Variants in MACROD2 observed in about 807,000 individuals in gnomAD.
MACROD2 encodes the protein mono-ADP ribosylhydrolase 2, also known as ADP-ribose glycohydrolase MACROD2.
Under a neutral mutation model 70.4 loss-of-function variants are expected in MACROD2, and 36 were observed. The observed-to-expected ratio is 0.51, with a 90% CI of 0.39 to 0.68. The LOEUF (loss-of-function observed/expected upper bound fraction) is 0.68. MACROD2 is among the 30% of genes least tolerant of loss of function. The pLI, the probability that MACROD2 is intolerant of heterozygous loss-of-function variation, is 0.00. For synonymous variants in MACROD2, 172 were observed against 178.8 expected (o/e 0.96, Z 0.30); for missense variants, 496 against 538.4 (o/e 0.92, Z 0.78).
At chr20:15,267,484 C>T (rs2077305984) in intron 6 of MACROD2, among the ~76,000 whole-genome samples, 1 of 151,876 alleles carries the variant, frequency 6.6e-6, no homozygotes, top group Non-Finnish European at 1.5e-5. Flanking sequence ...CTTTGTCTCC[C>T]CAGAGTCTGG....
intron 8 of MACROD2, among the ~76,000 whole-genome samples, chr20:15,521,273 G>A (rs1441829359): frequency 6.6e-6 from 1 of 152,142 alleles, no homozygotes; most frequent in Non-Finnish European, 1.5e-5. Flanking sequence ...AGTGAGCATG[G>A]CAGGGATTTC....
intron 8 of MACROD2, among the ~76,000 whole-genome samples, chr20:15,644,309 G>A (rs1568948816): frequency 6.6e-6 from 1 of 152,096 alleles, no homozygotes; most frequent in African/African-American, 2.4e-5. Flanking sequence ...AGTACACAGA[G>A]AATCATCCCT....
intron 5 of MACROD2, among the ~76,000 whole-genome samples, chr20:14,923,522 C>G (rs2074189302): frequency 6.6e-6 from 1 of 152,056 alleles, no homozygotes; most frequent in Non-Finnish European, 1.5e-5. Flanking sequence ...CTCTATTCTT[C>G]CGCAGTTCAA....
At chr20:15,875,242 C>G (rs542012306) in intron 9 of MACROD2, among the ~76,000 whole-genome samples, 125 of 152,188 alleles carry the variant, frequency 8.2e-4, no homozygotes, top group Non-Finnish European at 1.5e-3. Context: ...TAATAGAAAA[C>G]TAATACGCCA....
At chr20:15,587,725 A>G (rs1343634484) in intron 8 of MACROD2, among the ~76,000 whole-genome samples, 1 of 152,178 alleles carries the variant, frequency 6.6e-6, no homozygotes, top group Non-Finnish European at 1.5e-5. Context: ...CTCCAAAATG[A>G]TATCCTTTGA....
intron 4 of MACROD2, among the ~76,000 whole-genome samples, chr20:14,624,536 G>T (rs1209791964): frequency 6.6e-6 from 1 of 152,198 alleles, no homozygotes; most frequent in African/African-American, 2.4e-5. Flanking sequence ...GCAAAGACAT[G>T]CCCTCTGCAG....
chr20:14,313,923 T>G (rs2082589926), intron 3 of MACROD2, among the ~76,000 whole-genome samples: 1 of 152,202 alleles, frequency 6.6e-6, no homozygotes, highest in Non-Finnish European at 1.5e-5. Context: ...TATAGTTGCC[T>G]GAGACATGTA....
chr20:14,098,412 G>A (rs538731390), intron 3 of MACROD2, among the ~76,000 whole-genome samples: 6 of 152,102 alleles, frequency 3.9e-5, no homozygotes, highest in Non-Finnish European at 8.8e-5. Context: ...TTTAGTGTAC[G>A]TTAACAATGT....
At chr20:15,747,242 G>A (rs1461647156) in intron 8 of MACROD2, among the ~76,000 whole-genome samples, 5 of 152,070 alleles carry the variant, frequency 3.3e-5, no homozygotes, top group Non-Finnish European at 7.4e-5. Context: ...GACTAAGAAT[G>A]CAGACATGAG....
intron 5 of MACROD2, among the ~76,000 whole-genome samples, chr20:14,984,118 G>A (rs2074827232): frequency 6.6e-6 from 1 of 152,136 alleles, no homozygotes; most frequent in Non-Finnish European, 1.5e-5. Context: ...CCACTCCTCT[G>A]ATAAGCTGTG....
chr20:14,587,414 G>T (rs923954590), intron 4 of MACROD2, among the ~76,000 whole-genome samples: 11 of 151,526 alleles, frequency 7.3e-5, no homozygotes, highest in African/African-American at 2.7e-4. Flanking sequence ...TTGTTATATT[G>T]GTTAGAATTG....
intron 8 of MACROD2, among the ~76,000 whole-genome samples, chr20:15,574,789 T>C (rs2048422224): frequency 6.6e-6 from 1 of 152,218 alleles, no homozygotes; most frequent in Non-Finnish European, 1.5e-5. Context: ...ATGAATTTCA[T>C]AACTGGAAAA....
At position 14,607,423 on chromosome 20, in the gene MACROD2, G is replaced by A. The variant is rs181551814; in HGVS notation, c.302-77420G>A. ...TGTATTAGCATAGGGAGGTAGCCAAGGAACAGTGTTATAAGGAGAAGAGCC... is the reference window on the plus strand; with the variant it reads ...TGTATTAGCATAGGGAGGTAGCCAAAGAACAGTGTTATAAGGAGAAGAGCC... On this transcript the variant is annotated intron_variant, in intron 4 of 17. Coordinates refer to ENST00000684519, the MANE Select transcript of MACROD2 (RefSeq NM_001351661.2). Among the ~76,000 whole-genome samples, 10 of 152,266 alleles carry A rather than the reference G, an allele frequency of 6.6e-5. No individual in the cohort carries two copies. In the East Asian group the frequency reaches 1.7e-3, roughly 26 times the overall value.
intron 15 of MACROD2, among the ~76,000 whole-genome samples, chr20:16,008,808 C>T (rs1190866781): frequency 6.6e-6 from 1 of 152,168 alleles, no homozygotes; most frequent in African/African-American, 2.4e-5. Context: ...CGGTGAGAAA[C>T]CTAAGAACTA....
At chr20:15,947,822 T>C (rs140700039) in intron 12 of MACROD2, among the ~76,000 whole-genome samples, 222 of 152,332 alleles carry the variant, frequency 1.5e-3, no homozygotes, top group African/African-American at 5.2e-3. Context: ...TTCACATGAC[T>C]CTAGAAAGTA....
intron 5 of MACROD2, among the ~76,000 whole-genome samples, chr20:14,943,402 T>C (rs2074406104): frequency 6.6e-6 from 1 of 152,160 alleles, no homozygotes; most frequent in Non-Finnish European, 1.5e-5. Flanking sequence ...TCCAGGTCAA[T>C]GGACAGATAG....
intron 5 of MACROD2, among the ~76,000 whole-genome samples, chr20:14,940,702 A>T (rs949458144): frequency 6.6e-6 from 1 of 151,824 alleles, no homozygotes; most frequent in Non-Finnish European, 1.5e-5. Context: ...ATGTTTATTG[A>T]TTTTTGTGTG....
At position 15,766,026 on chromosome 20, in the gene MACROD2, C is replaced by A. The variant is rs116588554; in HGVS notation, c.646-96719C>A. ...GAAAATAAATATCACTCTTACTCCTCCATCTGAAGATGATGATGGAAATAA... is the reference window on the plus strand; with the variant it reads ...GAAAATAAATATCACTCTTACTCCTACATCTGAAGATGATGATGGAAATAA... On this transcript the variant is annotated intron_variant, in intron 8 of 17. Coordinates refer to ENST00000684519, the MANE Select transcript of MACROD2 (RefSeq NM_001351661.2). Among the ~76,000 whole-genome samples, 953 of 152,234 alleles carry A rather than the reference C, an allele frequency of 6.3e-3. 6 individuals are homozygous for A. The highest frequency in any genetic ancestry group is 0.02 in the African/African-American group (843 of 41,536).
intron 8 of MACROD2, among the ~76,000 whole-genome samples, chr20:15,709,897 T>C (rs2050598851): frequency 6.6e-6 from 1 of 152,166 alleles, no homozygotes; most frequent in South Asian, 2.1e-4. Flanking sequence ...TATCAGGCTC[T>C]AATTTTGTAT....
Sources: allele counts gnomAD v4.1 joint callset (sites outside exome capture counted in the v4.1 genomes callset), GRCh38; gene constraint gnomAD v4.1.1; transcripts MANE v1.5; gene names NCBI Gene and HGNC (gene_info 2026-07-23, HGNC 2026-07-21).